The following SERINC5 variants were observed in gnomAD, a reference collection of about 807,000 sequenced individuals.
The protein encoded by SERINC5 is serine incorporator 5.
A neutral mutation model predicts 63.1 loss-of-function variants in SERINC5; 41 were observed. That is an observed-to-expected ratio of 0.65 (90% confidence interval 0.51 to 0.84). The LOEUF is 0.84. SERINC5 is among the 40% of genes least tolerant of loss of function. The probability of loss-of-function intolerance (pLI) is 0.00; values close to 1 mark genes in which losing one functional copy is unlikely to be tolerated. For synonymous variants in SERINC5, 222 were observed against 215.2 expected (o/e 1.03, Z -0.28); for missense variants, 523 against 573.0 (o/e 0.91, Z 0.89).
chr5:80,138,257 G>C (rs1580046733), downstream of SERINC5, among the ~76,000 whole-genome samples: 1 of 152,046 alleles, frequency 6.6e-6, no homozygotes, highest in Non-Finnish European at 1.5e-5. Context: ...GATCTACTGT[G>C]TAACACGGTG....
intron 11 of SERINC5, among the ~76,000 whole-genome samples, chr5:80,117,012 G>A (rs1434304005): frequency 6.6e-6 from 1 of 151,764 alleles, no homozygotes; most frequent in African/African-American, 2.4e-5. Flanking sequence ...GTGTTTTTTA[G>A]TAGAGACGGG....
intron 6 of SERINC5, 128 bp downstream of exon 6, chr5:80,169,207 C>A (rs996053799): frequency 4.7e-5 from 34 of 726,780 alleles, no homozygotes; most frequent in Non-Finnish European, 7.6e-5. Context: ...CTACTGCTGA[C>A]ACATCCACAG....
chr5:80,139,990 G>A lies in SERINC5; in HGVS notation c.*3673C>T, dbSNP rs1337275377. On this transcript the variant is annotated 3_prime_UTR_variant, in exon 12 of 12. Coordinates refer to ENST00000507668, the MANE Select transcript of SERINC5 (RefSeq NM_001174072.3). ...TCTGGAATTTCCTTCGCAGGAAGGT[G>A]AAGCACCAATGATGGCAAAAATTAA... The A allele has an allele frequency of 1.0e-6, 1 of 985,380 alleles. No individual in the cohort carries two copies. Among genetic ancestry groups the A allele is most frequent in the African/African-American group, 1.7e-5 (1 of 57,342 alleles). The allele number at this position is 985,380 out of a possible 1,614,324, so 61.0% of individuals were successfully genotyped here.
At chr5:80,203,834 G>A (rs1222034560) in intron 1 of SERINC5, among the ~76,000 whole-genome samples, 1 of 152,182 alleles carries the variant, frequency 6.6e-6, no homozygotes, top group African/African-American at 2.4e-5. Context: ...GCTTCAGGAT[G>A]GAAGGCTGGC....
At chr5:80,216,584 G>A (rs1750673951) in intron 1 of SERINC5, among the ~76,000 whole-genome samples, 2 of 152,194 alleles carry the variant, frequency 1.3e-5, no homozygotes, top group African/African-American at 4.8e-5. Context: ...GCAGAACAGG[G>A]CTGAAAAGGT....
At chr5:80,151,869 T>C (rs1235372519) in intron 8 of SERINC5, among the ~76,000 whole-genome samples, 1 of 152,170 alleles carries the variant, frequency 6.6e-6, no homozygotes, top group African/African-American at 2.4e-5. Context: ...GAAGCTGGTC[T>C]GCTCATGGAA....
Position 80,169,456 on chromosome 5 carries a change from A to T in SERINC5, c.642T>A (p.Val214=), listed in dbSNP as rs751565456. The change falls in exon 6 of 12, where the codon GTT becomes GTA. Residue 214 remains valine, a synonymous_variant. Transcript: ENST00000507668. ...IMYSIATGGL[V]LMAVFYTQKD... ...TCTGTGTATAAAACACTGCCATCAA[A>T]ACCAAGCCTCCAGTGGCAATGGAAT... The T allele has an allele frequency of 3.1e-6, 5 of 1,613,946 alleles. No individual in the cohort carries two copies. In the Admixed American group the frequency reaches 8.3e-5, roughly 27 times the overall value.
At chr5:80,247,362 C>T (rs933533711) in intron 1 of SERINC5, among the ~76,000 whole-genome samples, 3 of 152,046 alleles carry the variant, frequency 2.0e-5, no homozygotes, top group African/African-American at 7.2e-5. Flanking sequence ...AGCCTCTATA[C>T]AGAAAACGAG....
chr5:80,229,050 T>TGGCGGGGGGGG (rs1751303992), intron 1 of SERINC5, among the ~76,000 whole-genome samples: 1 of 94,104 alleles, frequency 1.1e-5, no homozygotes, highest in Admixed American at 1.3e-4. Flanking sequence ...TTTTTTTTTT[T>TGGCGGGGGGGG]GGGGATGGAG....
intron 1 of SERINC5, among the ~76,000 whole-genome samples, chr5:80,213,326 A>G (rs2112519746): frequency 6.6e-6 from 1 of 152,290 alleles, no homozygotes; most frequent in African/African-American, 2.4e-5. Context: ...TTAATCTCTT[A>G]CTTTCTGCAA....
rs1392904609 is a variant in SERINC5, at chr5:80,178,036, C to T, written c.224G>A (p.Gly75Asp). The change falls in exon 3 of 12, where the codon GGC (glycine) becomes GAC (aspartate). Residue 75 changes from glycine (G) to aspartate (D), a missense_variant. Physicochemically the swap from Gly to Asp is moderately conservative, Grantham distance 94 (BLOSUM62 -1). Transcript: ENST00000507668. ...CTCACAGGTGTCACCAGCTTTAATGCCTTTACACATATCTTCAAAAAAAGG... is the reference window on the plus strand; with the variant it reads ...CTCACAGGTGTCACCAGCTTTAATGTCTTTACACATATCTTCAAAAAAAGG... ...HIPFFEDMCKGIKAGDTCEKL... is the reference protein window; with the variant it reads ...HIPFFEDMCKDIKAGDTCEKL... The T allele has an allele frequency of 1.2e-6, 2 of 1,604,456 alleles. No homozygotes were observed. The highest frequency in any genetic ancestry group is 3.5e-5 in the Admixed American group (2 of 57,432).
chr5:80,192,793 T>C (rs1234092825), intron 2 of SERINC5, among the ~76,000 whole-genome samples: 2 of 152,138 alleles, frequency 1.3e-5, no homozygotes, highest in Non-Finnish European at 2.9e-5. Context: ...AACACTTCAT[T>C]CCATTTTATA....
intron 2 of SERINC5, among the ~76,000 whole-genome samples, chr5:80,197,407 A>T (rs73128090): frequency 0.08 from 12,099 of 151,520 alleles, 1,708 homozygotes; most frequent in African/African-American, 0.28. Flanking sequence ...GATTCCATTT[A>T]TACGAAATGT....
chr5:80,252,860 T>C (rs1561458174), intron 1 of SERINC5, among the ~76,000 whole-genome samples: 1 of 152,186 alleles, frequency 6.6e-6, no homozygotes, highest in Non-Finnish European at 1.5e-5. Context: ...AAGCCCAGGC[T>C]CTTTTATGGG....
chr5:80,126,095 T>C (rs1744738011), intron 11 of SERINC5, among the ~76,000 whole-genome samples: 1 of 152,204 alleles, frequency 6.6e-6, no homozygotes, highest in Non-Finnish European at 1.5e-5. Context: ...GGAGTCATTA[T>C]GATGAAAATT....
At chr5:80,147,150 T>C in intron 10 of SERINC5, 95 bp downstream of exon 10, 1 of 1,128,776 alleles carries the variant, frequency 8.9e-7, no homozygotes, top group Non-Finnish European at 1.3e-6. Context: ...TCCTTACTAT[T>C]CAAGTTATTT....
At chr5:80,230,445 C>CAAA (rs72476401) in intron 1 of SERINC5, among the ~76,000 whole-genome samples, 1 of 93,194 alleles carries the variant, frequency 1.1e-5, no homozygotes, top group African/African-American at 5.6e-5. Flanking sequence ...AAGACTGTCA[C>CAAA]AAAAAAAAAA....
intron 1 of SERINC5, among the ~76,000 whole-genome samples, chr5:80,220,157 C>T (rs1342309165): frequency 6.6e-6 from 1 of 151,870 alleles, no homozygotes; most frequent in Non-Finnish European, 1.5e-5. Flanking sequence ...GCAGTGAGCC[C>T]AGACAGCGCC....
chr5:80,116,336 T>G, intron 11 of SERINC5: 1 of 456,114 alleles, frequency 2.2e-6, no homozygotes, highest in East Asian at 7.0e-5. Context: ...GGGAACAAAA[T>G]AGAAATCAAA....
Sources: allele counts gnomAD v4.1 joint callset (sites outside exome capture counted in the v4.1 genomes callset), GRCh38; gene constraint gnomAD v4.1.1; transcripts MANE v1.5; gene names NCBI Gene and HGNC (gene_info 2026-07-23, HGNC 2026-07-21).